The following DCTN2 variants were observed in gnomAD, a reference collection of about 807,000 sequenced individuals.
DCTN2 encodes the protein 50 kDa dynein-associated polypeptide.
In DCTN2, 18 loss-of-function variants were observed where a neutral mutation model predicts 55.4. The observed-to-expected ratio is 0.32, with a 90% CI of 0.22 to 0.48. DCTN2 has a LOEUF of 0.48. DCTN2 is among the 20% of genes least tolerant of loss of function. DCTN2 has a pLI of 0.99. For synonymous variants in DCTN2, 168 were observed against 185.2 expected (o/e 0.91, Z 0.76); for missense variants, 390 against 491.0 (o/e 0.79, Z 1.94).
At chr12:57,541,472 C>T (rs1278621584) in intron 2 of DCTN2, 2 of 1,220,668 alleles carry the variant, frequency 1.6e-6, no homozygotes, top group African/African-American at 3.0e-5. Flanking sequence ...CACAATCAAG[C>T]ATACTCCAGG....
chr12:57,533,744 C>A, intron 7 of DCTN2, among the ~76,000 whole-genome samples: 1 of 148,828 alleles, frequency 6.7e-6, no homozygotes. Context: ...GCACTCCAGC[C>A]TGGGAAACAG....
At chr12:57,543,900 A>G in intron 2 of DCTN2, 5 of 1,130,906 alleles carry the variant, frequency 4.4e-6, no homozygotes, top group Non-Finnish European at 5.9e-6. Flanking sequence ...TAGGCTGTTC[A>G]GGCTCTGGGG....
Position 57,547,123 on chromosome 12 carries a change from G to C in DCTN2, c.-60C>G. 8.1e-7 allele frequency: 1 copy of C among 1,238,676 alleles called. No individual in the cohort carries two copies. The allele number at this position is 1,238,676 out of a possible 1,614,324, so 76.7% of individuals were successfully genotyped here. A position where few individuals can be genotyped will look rare whatever the true frequency, so the allele number is the denominator to read the frequency against. On this transcript the variant is annotated 5_prime_UTR_variant, in exon 1 of 14. Transcript: ENST00000548249. ...CGGTGGAGCCGGGGCCGGTGTTCGG[G>C]TAGGGGAGAGGCTGGGTTCGGGTCC...
At chr12:57,546,980 G>A in intron 1 of DCTN2, 48 bp downstream of exon 1, 1 of 1,267,740 alleles carries the variant, frequency 7.9e-7, no homozygotes, top group South Asian at 3.5e-5. Context: ...GGGTCCTTGG[G>A]AGGTCGGGGG....
chr12:57,532,702 T>G, intron 10 of DCTN2, 31 bp downstream of exon 10: 1 of 1,613,800 alleles, frequency 6.2e-7, no homozygotes. Flanking sequence ...TCCCAAGCTA[T>G]CCATAATTTA....
In DCTN2 at chr12:57,543,089, T is replaced by G. The variant is rs1026110709; in HGVS notation, c.105+2939A>C. 119 of 447,896 alleles carry G rather than the reference T, an allele frequency of 2.7e-4. 2 individuals carry two copies. Among genetic ancestry groups the G allele is most frequent in the Middle Eastern group, 6.8e-4 (1 of 1,460 alleles). The allele number at this position is 447,896 out of a possible 1,614,324, so 27.7% of individuals were successfully genotyped here. On this transcript the variant is annotated intron_variant, in intron 2 of 13. Coordinates refer to ENST00000548249, the MANE Select transcript of DCTN2 (RefSeq NM_001261413.2). ...CTGAGGCTGGGCATGGTGGCTCACG[T>G]CTGTAATCCCAGCACTTTGGGAGGC...
Position 57,535,092 on chromosome 12 carries a change from C to A in DCTN2, c.327G>T (p.Glu109Asp). The change falls in exon 5 of 14, where the codon GAG becomes GAT. Residue 109 changes from glutamate to aspartate, a missense_variant. Glu to Asp is a conservative substitution (Grantham distance 45). This residue lies in a region of DCTN2 where 117 missense variants were observed against 187.8 expected (regional missense o/e 0.62). Transcript: ENST00000548249. ...PQQKYQRLLH[E>D]VQELTTEVEK... ...CAACTTCAGTTGTCAGCTCTTGGAC[C>A]TCATGCAGTAGGCGCTGGTACTTTT... 6.2e-7 allele frequency: 1 copy of A among 1,613,696 alleles called. No individual in the cohort carries two copies. The highest frequency in any genetic ancestry group is 8.5e-7 in the Non-Finnish European group (1 of 1,179,842).
At position 57,539,442 on chromosome 12, in the gene DCTN2, C is replaced by A. The variant is rs148913914; in HGVS notation, c.106-3597G>T. ...AGATTCACAGGGGTTGGAGGGTAAA[C>A]AAAGGGGAAGGGTGAGAGTATTTCC... On this transcript the variant is annotated intron_variant, in intron 2 of 13. Transcript: ENST00000548249. Among the ~76,000 whole-genome samples, 626 of 152,242 alleles carry A rather than the reference C, an allele frequency of 4.1e-3. 1 individual carries two copies. Among genetic ancestry groups the A allele is most frequent in the African/African-American group, 0.014 (601 of 41,544 alleles).
At chr12:57,546,593 G>C (rs879346688) in intron 1 of DCTN2, among the ~76,000 whole-genome samples, 4 of 152,106 alleles carry the variant, frequency 2.6e-5, no homozygotes, top group Non-Finnish European at 5.9e-5. Context: ...CAAGGATAGA[G>C]CTCCCCATCT....
intron 11 of DCTN2, 29 bp from the exon 12 acceptor site, chr12:57,532,344 G>T (rs995064337): frequency 6.5e-7 from 1 of 1,540,602 alleles, no homozygotes; most frequent in African/African-American, 1.4e-5. Flanking sequence ...GCCCAGAGGG[G>T]ATGGCTGAGG....
chr12:57,546,575 GGTTC>G (rs1881180711), intron 1 of DCTN2, among the ~76,000 whole-genome samples: 1 of 151,872 alleles, frequency 6.6e-6, no homozygotes. Flanking sequence ...GGAGGGCATA[GGTTC>G]CCTCAAGGAT....
At position 57,546,246 on chromosome 12, in the gene DCTN2, T is replaced by G. The variant is rs576687473; in HGVS notation, c.37-150A>C. ...CTCCACCTGCCCCGTGAGTCAACAG[T>G]ATGTCAGTTCCCATGTCTCAAGGGG... is the stretch of plus-strand genomic sequence containing the variant. On this transcript the variant is annotated intron_variant, in intron 1 of 13. Transcript: ENST00000548249. The G allele has an allele frequency of 8.2e-4, 572 of 695,908 alleles. 6 individuals carry two copies. The highest frequency in any genetic ancestry group is 1.6e-3 in the Middle Eastern group (6 of 3,810). 43.1% of individuals were successfully genotyped at this position (695,908 alleles called of 1,614,324 possible). A position where few individuals can be genotyped will look rare whatever the true frequency, so the allele number is the denominator to read the frequency against.
At chr12:57,544,232 C>T in intron 2 of DCTN2, 1 of 383,890 alleles carries the variant, frequency 2.6e-6, no homozygotes, top group Non-Finnish European at 5.2e-6. Context: ...CCCTTGATAC[C>T]AAAATCTGCA....
intron 2 of DCTN2, chr12:57,543,215 G>C (rs1594894088): frequency 5.5e-6 from 2 of 363,444 alleles, no homozygotes; most frequent in Non-Finnish European, 1.1e-5. Context: ...CGGGTGTGGT[G>C]GTGGGCGCCT....
Position 57,535,534 on chromosome 12 carries a change from G to A in DCTN2, c.214C>T (p.Arg72Cys), listed in dbSNP as rs1318274578. 8.7e-6 allele frequency: 14 copies of A among 1,613,670 alleles called. No individual in the cohort carries two copies. The highest frequency in any genetic ancestry group is 1.7e-5 in the Admixed American group (1 of 59,978). The change falls in exon 4 of 14, where the codon CGT becomes TGT. Residue 72 changes from arginine (R) to cysteine (C), a missense_variant. Around this residue, in one of 2 missense-constraint regions of DCTN2, gnomAD observed 117 missense variants for 187.8 expected, o/e 0.62. Transcript: ENST00000548249. ...VGTKGLDFSDRIGKTKRTGYE... is the reference protein window; with the variant it reads ...VGTKGLDFSDCIGKTKRTGYE... ...CCTGTCCTCTTGGTTTTTCCAATACGATCTGAGAAATCTGCCAAGAAAAGA... is the reference window on the plus strand; with the variant it reads ...CCTGTCCTCTTGGTTTTTCCAATACAATCTGAGAAATCTGCCAAGAAAAGA...
chr12:57,547,021 T>A lies in DCTN2; in HGVS notation c.36+7A>T. The stretch of plus-strand genomic sequence containing the variant: ...TCCTGGGGAGCCGGGGCCGGTCCTG[T>A]ACTCACAATGCCGGGAAGGTCGGCG... On this transcript the variant is annotated splice_region_variant and intron_variant, in intron 1 of 13. Transcript: ENST00000548249. The A allele has an allele frequency of 7.7e-7, 1 of 1,290,860 alleles. No homozygotes were observed. The highest frequency in any genetic ancestry group is 2.9e-5 in the East Asian group (1 of 34,422). The allele number at this position is 1,290,860 out of a possible 1,614,324, so 80.0% of individuals were successfully genotyped here.
intron 2 of DCTN2, chr12:57,541,375 A>G (rs771349537): frequency 6.3e-7 from 1 of 1,599,434 alleles, no homozygotes. Context: ...TGTGCAAACT[A>G]GTGTCCAGGC....
intron 2 of DCTN2, 26 bp downstream of exon 2, chr12:57,546,002 G>A (rs764873009): frequency 6.2e-7 from 1 of 1,612,202 alleles, no homozygotes; most frequent in East Asian, 2.2e-5. Context: ...GAGTCCGGAG[G>A]AGTCTGTGGC....
In DCTN2 at chr12:57,547,106, C is replaced by A; in HGVS notation, c.-43G>T. 1 of 1,254,566 alleles carries A rather than the reference C, an allele frequency of 8.0e-7. No homozygotes were observed. Among genetic ancestry groups the A allele is most frequent in the Non-Finnish European group, 1.0e-6 (1 of 990,782 alleles). The allele number at this position is 1,254,566 out of a possible 1,614,324, so 77.7% of individuals were successfully genotyped here. ...CTGGGGGACCCGGGCCTCGGTGGAG[C>A]CGGGGCCGGTGTTCGGGTAGGGGAG... On this transcript the variant is annotated 5_prime_UTR_variant, in exon 1 of 14. Coordinates refer to ENST00000548249, the MANE Select transcript of DCTN2 (RefSeq NM_001261413.2).
Sources: gnomAD v4.1 joint callset for allele counts (sites outside exome capture counted in the v4.1 genomes callset) on GRCh38, gnomAD v4.1.1 for gene constraint, gnomAD v4.1.1 regional missense constraint, MANE v1.5 for transcripts, NCBI Gene and HGNC (gene_info 2026-07-23, HGNC 2026-07-21) for gene names.